Variants in THOC2 observed in about 807,000 individuals in gnomAD.
THOC2 encodes THO complex subunit 2.
Under a neutral mutation model 128.4 loss-of-function variants are expected in THOC2, and 10 were observed. The observed-to-expected ratio is 0.08, with a 90% CI of 0.05 to 0.13. The LOEUF (loss-of-function observed/expected upper bound fraction) is 0.13, where lower values mean the gene tolerates loss of function less well. Ranked by LOEUF, THOC2 falls within the 10% of genes least tolerant of loss-of-function variation. The probability of loss-of-function intolerance (pLI) is 1.00; values close to 1 mark genes in which losing one functional copy is unlikely to be tolerated. For synonymous variants in THOC2, 393 were observed against 396.9 expected (o/e 0.99, Z 0.12); for missense variants, 535 against 1,155.7 (o/e 0.46, Z 7.79).
chrX:123,679,116 C>T (rs987011436), intron 8 of THOC2, among the ~76,000 whole-genome samples: 2 of 111,318 alleles, frequency 1.8e-5, no homozygotes, highest in Admixed American at 9.6e-5. Context: ...TCTCTCCCAT[C>T]TTAAAAAAAT....
intron 8 of THOC2, among the ~76,000 whole-genome samples, chrX:123,684,074 A>AC (rs976354834): frequency 3.6e-5 from 4 of 109,688 alleles, no homozygotes; most frequent in Non-Finnish European, 7.6e-5. Context: ...AATACTGTTG[A>AC]CCCCCCCGGG....
intron 3 of THOC2, among the ~76,000 whole-genome samples, chrX:123,705,112 G>A (rs775059032): frequency 9.0e-6 from 1 of 111,586 alleles, no homozygotes; most frequent in East Asian, 2.8e-4. Context: ...AGACGCACAA[G>A]TTACTCTTCT....
chrX:123,611,334 A>G, intron 37 of THOC2, 106 bp downstream of exon 37: 3 of 570,976 alleles, frequency 5.3e-6, no homozygotes, highest in Non-Finnish European at 8.1e-6. Flanking sequence ...AAAACTAATC[A>G]GCCCTTAAGC....
intron 1 of THOC2, among the ~76,000 whole-genome samples, chrX:123,726,877 T>C (rs2052015736): frequency 8.9e-6 from 1 of 111,834 alleles, no homozygotes; most frequent in South Asian, 3.7e-4. Flanking sequence ...GTTTGCATAA[T>C]AGATACTTAC....
At chrX:123,711,211 T>C (rs1197065582) in intron 2 of THOC2, among the ~76,000 whole-genome samples, 6 of 103,760 alleles carry the variant, frequency 5.8e-5, no homozygotes, top group Non-Finnish European at 1.2e-4. Context: ...GTTTTTTTTT[T>C]GGTAGAGATG....
At chrX:123,654,185 C>T (rs979862354) in intron 12 of THOC2, among the ~76,000 whole-genome samples, 1 of 109,644 alleles carries the variant, frequency 9.1e-6, no homozygotes, top group Non-Finnish European at 1.9e-5. Context: ...TGTTCTCATT[C>T]GTAAGTGGGA....
chrX:123,604,903 C>T (rs987078988), intron 38 of THOC2, among the ~76,000 whole-genome samples: 1 of 111,981 alleles, frequency 8.9e-6, no homozygotes, highest in African/African-American at 3.2e-5. Flanking sequence ...CTCATTCTCT[C>T]GTTCTTTTCA....
rs1339247416 is a variant in THOC2, at chrX:123,675,652, CA to C, written c.769-3892del. On this transcript the variant is annotated intron_variant, in intron 8 of 38. Coordinates refer to ENST00000245838, the MANE Select transcript of THOC2 (RefSeq NM_001081550.2). ...AGGGAGACTCTGCCTCAAAAAAAAACAAAAAAAAAAACTGGACATATTTAAT... is the reference window on the plus strand; with the variant it reads ...AGGGAGACTCTGCCTCAAAAAAAAACAAAAAAAAAACTGGACATATTTAAT... 1.8e-4 allele frequency among the ~76,000 whole-genome samples: 18 copies of C among 99,022 alleles called. 1 individual carries two copies. The South Asian group carries it at 4.6e-3, about 25-fold the overall frequency. The allele number at this position is 99,022 out of a possible 115,157, so 86.0% of individuals were successfully genotyped here.
intron 7 of THOC2, among the ~76,000 whole-genome samples, chrX:123,693,602 G>A (rs1267931993): frequency 9.0e-6 from 1 of 111,240 alleles, no homozygotes; most frequent in Non-Finnish European, 1.9e-5. Flanking sequence ...AGTCAGTATA[G>A]ATTATACAAG....
intron 11 of THOC2, 152 bp downstream of exon 11, chrX:123,666,954 T>C: frequency 5.1e-6 from 2 of 391,838 alleles, no homozygotes; most frequent in Non-Finnish European, 8.6e-6. Context: ...GATTAATATA[T>C]ATCAGACTGA....
At chrX:123,724,775 C>T (rs755512535) in intron 1 of THOC2, among the ~76,000 whole-genome samples, 6 of 111,880 alleles carry the variant, frequency 5.4e-5, no homozygotes, top group African/African-American at 1.9e-4. Context: ...CATAGTAGCT[C>T]ACGTCTGTAA....
At chrX:123,658,929 T>C (rs542956198) in intron 12 of THOC2, among the ~76,000 whole-genome samples, 7 of 111,983 alleles carry the variant, frequency 6.3e-5, no homozygotes, top group African/African-American at 1.9e-4. Context: ...ATATAGCAAA[T>C]CTTTGTGCCT....
chrX:123,679,061 C>T (rs1016607771), intron 8 of THOC2, among the ~76,000 whole-genome samples: 5 of 111,301 alleles, frequency 4.5e-5, no homozygotes, highest in African/African-American at 1.6e-4. Context: ...AACACCAGCT[C>T]TCCACTTTCC....
At chrX:123,661,272 G>A (rs1232685331) in intron 12 of THOC2, among the ~76,000 whole-genome samples, 1 of 111,185 alleles carries the variant, frequency 9.0e-6, no homozygotes, top group Non-Finnish European at 1.9e-5. Flanking sequence ...GGGCGTGGTG[G>A]CGGGCACCTG....
intron 12 of THOC2, among the ~76,000 whole-genome samples, chrX:123,658,085 C>T (rs1242202917): frequency 1.8e-5 from 2 of 109,244 alleles, no homozygotes; most frequent in African/African-American, 6.7e-5. Flanking sequence ...AAGGTACTCA[C>T]ACTACCCATG....
intron 15 of THOC2, 83 bp downstream of exon 15, chrX:123,644,492 G>A: frequency 1.4e-6 from 1 of 692,107 alleles, no homozygotes; most frequent in South Asian, 3.2e-5. Flanking sequence ...TCCCAAAACT[G>A]AGGCTCAGAC....
At chrX:123,652,042 G>C (rs2048380859) in intron 12 of THOC2, among the ~76,000 whole-genome samples, 1 of 111,512 alleles carries the variant, frequency 9.0e-6, no homozygotes, top group Admixed American at 9.5e-5. Flanking sequence ...TAAAATACTG[G>C]CAAAACCGAA....
intron 23 of THOC2, among the ~76,000 whole-genome samples, chrX:123,626,865 A>G (rs963386318): frequency 3.6e-5 from 4 of 111,838 alleles, no homozygotes; most frequent in African/African-American, 1.3e-4. Context: ...AGAACAGGCT[A>G]CATTTGCAAC....
chrX:123,699,512 C>T (rs1167346673), intron 4 of THOC2, among the ~76,000 whole-genome samples: 2 of 111,883 alleles, frequency 1.8e-5, no homozygotes, highest in East Asian at 5.6e-4. Flanking sequence ...TGTTGCCCTG[C>T]TATCTGGTTT....
Sources: gnomAD v4.1 joint callset for allele counts (sites outside exome capture counted in the v4.1 genomes callset) on GRCh38, gnomAD v4.1.1 for gene constraint, MANE v1.5 for transcripts, NCBI Gene and HGNC (gene_info 2026-07-23, HGNC 2026-07-21) for gene names.